The following TTC6 variants were observed in gnomAD, a reference collection of about 807,000 sequenced individuals.
The protein encoded by TTC6 is tetratricopeptide repeat protein 6.
Under a neutral mutation model 210.4 loss-of-function variants are expected in TTC6, and 172 were observed. The ratio of observed to expected loss-of-function variants is 0.82; its 90% CI spans 0.72 to 0.93. TTC6 has a LOEUF of 0.93. Ranked by LOEUF, TTC6 falls within the 40% of genes least tolerant of loss-of-function variation. TTC6 has a pLI of 0.00. For missense variants in TTC6, 2,414 were observed against 2,318.1 expected (o/e 1.04, Z -0.85); for synonymous variants, 804 against 819.6 (o/e 0.98, Z 0.32).
At chr14:37,832,392 T>G (rs113540407) in intron 29 of TTC6, among the ~76,000 whole-genome samples, 2,280 of 148,224 alleles carry the variant, frequency 0.015, 53 homozygotes, top group African/African-American at 0.053. Flanking sequence ...TTTTCTAGTT[T>G]TATGAGGTGC....
chr14:37,803,338 A>T (rs35435404), intron 20 of TTC6, among the ~76,000 whole-genome samples: 10,842 of 152,066 alleles, frequency 0.071, 567 homozygotes, highest in South Asian at 0.13. Context: ...AGTTAAAAAA[A>T]TTTTTTTGAA....
intron 29 of TTC6, among the ~76,000 whole-genome samples, chr14:37,837,933 G>A (rs2096201694): frequency 1.3e-5 from 2 of 152,136 alleles, no homozygotes; most frequent in Admixed American, 6.6e-5. Context: ...GAGACCAAAT[G>A]TGTCCATGCC....
intron 14 of TTC6, among the ~76,000 whole-genome samples, chr14:37,769,261 C>G (rs573818120): frequency 2.6e-5 from 4 of 151,736 alleles, no homozygotes; most frequent in African/African-American, 9.7e-5. Flanking sequence ...GTCTAAAATT[C>G]TCTTTTTTGA....
exon 1 of TTC6, chr14:37,622,842 C>G: frequency 6.5e-7 from 1 of 1,534,142 alleles, no homozygotes; most frequent in Non-Finnish European, 8.7e-7. Flanking sequence ...CAGCGACGCG[C>G]GGGAGGCCGC....
chr14:37,645,692 C>A (rs894129050), intron 1 of TTC6, among the ~76,000 whole-genome samples: 4 of 152,054 alleles, frequency 2.6e-5, no homozygotes, highest in Non-Finnish European at 5.9e-5. Context: ...TAGTGCAAGG[C>A]TCCAAGGTAG....
chr14:37,674,216 T>C (rs761095099), intron 1 of TTC6, among the ~76,000 whole-genome samples: 1 of 152,140 alleles, frequency 6.6e-6, no homozygotes, highest in Non-Finnish European at 1.5e-5. Flanking sequence ...TTTCTCATTT[T>C]CTAAATTTCT....
rs72674258 is a variant in TTC6, at chr14:37,609,921, T to C, written c.-155+3179T>C. On this transcript the variant is annotated intron_variant, in intron 2 of 2. Coordinates refer to the TTC6 transcript ENST00000556845. ...AGAGTGCTCACAGGGCAGTGAGATG[T>C]GATGTAAATGCAGTAAAATCGCAGG... Among the ~76,000 whole-genome samples the C allele has an allele frequency of 1.1e-3, 166 of 152,328 alleles. 1 individual carries two copies. The highest frequency in any genetic ancestry group is 2.1e-3 in the Non-Finnish European group (142 of 68,028).
At chr14:37,835,886 T>C (rs1433946332) in intron 29 of TTC6, among the ~76,000 whole-genome samples, 1 of 152,148 alleles carries the variant, frequency 6.6e-6, no homozygotes, top group Non-Finnish European at 1.5e-5. Context: ...TCTGTGTTGA[T>C]CTCTATCTCC....
At chr14:37,814,597 C>T (rs963538429) in intron 25 of TTC6, among the ~76,000 whole-genome samples, 9 of 151,866 alleles carry the variant, frequency 5.9e-5, no homozygotes, top group Non-Finnish European at 1.0e-4. Context: ...TGATAATGTC[C>T]GATTGGAATT....
chr14:37,622,398 AC>A lies in TTC6; in HGVS notation c.337del (p.Arg113GlyfsTer21). On this transcript the variant is annotated frameshift_variant, in exon 1 of 31. Coordinates refer to ENST00000553443, the Ensembl canonical transcript of TTC6. LOFTEE classifies it high-confidence loss of function. Reference sequence around the variant, plus strand: ...GGGTGAGGCGGCGGCTCCAGGCAAGACCCGGTCGTTTCGCCCCCGGGACTTT... The same window carrying A: ...GGGTGAGGCGGCGGCTCCAGGCAAGACCGGTCGTTTCGCCCCCGGGACTTT... 6.5e-7 allele frequency: 1 copy of A among 1,533,898 alleles called. No individual in the cohort carries two copies. Among genetic ancestry groups the A allele is most frequent in the Non-Finnish European group, 8.7e-7 (1 of 1,145,986 alleles).
intron 3 of TTC6, among the ~76,000 whole-genome samples, chr14:37,685,016 A>C (rs2095791092): frequency 6.6e-6 from 1 of 152,202 alleles, no homozygotes; most frequent in South Asian, 2.1e-4. Flanking sequence ...TTCTACTCTT[A>C]GAAGCTCGTT....
chr14:37,679,959 G>A (rs930931994), intron 1 of TTC6, among the ~76,000 whole-genome samples, 192 bp from the exon 4 acceptor site: 2 of 151,816 alleles, frequency 1.3e-5, no homozygotes, highest in African/African-American at 4.8e-5. Flanking sequence ...CAAAGTGCCG[G>A]GATTACAGGC....
At chr14:37,736,822 A>G (rs529670085) in intron 8 of TTC6, among the ~76,000 whole-genome samples, 1 of 152,088 alleles carries the variant, frequency 6.6e-6, no homozygotes, top group South Asian at 2.1e-4. Context: ...TGGTAAAATC[A>G]TGGCTTACTG....
At chr14:37,792,220 A>C (rs2096081460) in intron 16 of TTC6, 44 bp from the exon 19 acceptor site, 15 of 1,404,538 alleles carry the variant, frequency 1.1e-5, no homozygotes, top group Non-Finnish European at 1.4e-5. Context: ...ATTTGGAATA[A>C]TTAAAAATGT....
chr14:37,654,407 T>G (rs1270671956), intron 1 of TTC6, among the ~76,000 whole-genome samples: 1 of 152,094 alleles, frequency 6.6e-6, no homozygotes, highest in African/African-American at 2.4e-5. Context: ...ATTAAAAGTA[T>G]GTAGCACCCA....
chr14:37,808,153 C>T (rs1310627894), intron 23 of TTC6, among the ~76,000 whole-genome samples: 2 of 152,054 alleles, frequency 1.3e-5, no homozygotes, highest in East Asian at 3.8e-4. Context: ...CTCTACTTTT[C>T]TTTTCTGATC....
chr14:37,608,789 T>C lies in TTC6; in HGVS notation c.-155+2047T>C, dbSNP rs1399834133. On this transcript the variant is annotated intron_variant, in intron 2 of 2. Transcript: ENST00000556845. ...GTGTTCGGACTTTGTTCTGTGGTGA[T>C]ACATCAAAGGTGTGGGAGCTGGAAA... Among the ~76,000 whole-genome samples, 5 of 152,320 alleles carry C rather than the reference T, an allele frequency of 3.3e-5. No individual in the cohort carries two copies. In the South Asian group the frequency reaches 8.3e-4, roughly 25 times the overall value.
intron 1 of TTC6, among the ~76,000 whole-genome samples, chr14:37,672,944 A>C (rs1194060236): frequency 2.0e-5 from 3 of 151,842 alleles, no homozygotes; most frequent in Non-Finnish European, 4.4e-5. Context: ...TTCTGGAACT[A>C]CTATAGTTTT....
At chr14:37,812,429 T>G in exon 25 of TTC6, 3 of 1,601,388 alleles carry the variant, frequency 1.9e-6, no homozygotes, top group Non-Finnish European at 2.6e-6. Context: ...GGCTTTGCAC[T>G]AGAGGTAAGC....
Sources: gnomAD v4.1 joint callset for allele counts (sites outside exome capture counted in the v4.1 genomes callset) on GRCh38, gnomAD v4.1.1 for gene constraint, MANE v1.5 for transcripts, NCBI Gene and HGNC (gene_info 2026-07-23, HGNC 2026-07-21) for gene names.